The following WFS1 variants were observed in gnomAD, a reference collection of about 807,000 sequenced individuals.
WFS1 encodes the protein wolframin.
A neutral mutation model predicts 68.5 loss-of-function variants in WFS1; 90 were observed. That is an observed-to-expected ratio of 1.31 (90% CI 1.11 to 1.56). WFS1 has a LOEUF of 1.56. Among genes scored for constraint, WFS1 ranks in the 40% most tolerant of loss-of-function variants. The pLI, the probability that WFS1 is intolerant of heterozygous loss-of-function variation, is 0.00. For synonymous variants in WFS1, 860 were observed against 540.7 expected (o/e 1.59, Z -8.19); for missense variants, 1,767 against 1,232.6 (o/e 1.43, Z -6.49).
Position 6,294,096 on chromosome 4 carries a change from A to G in WFS1, c.713-945A>G, listed in dbSNP as rs116109951. Among the ~76,000 whole-genome samples the G allele has an allele frequency of 0.039, 5,888 of 152,238 alleles. 147 individuals are homozygous for G. Among genetic ancestry groups the G allele is most frequent in the South Asian group, 0.078 (378 of 4,820 alleles). Reference sequence around the variant, plus strand: ...ATTAGGAGGTCTGTCAGCGCCCACTATCACGGCTGCCATCTTGGATGCAGC... The same window carrying G: ...ATTAGGAGGTCTGTCAGCGCCCACTGTCACGGCTGCCATCTTGGATGCAGC... On this transcript the variant is annotated intron_variant, in intron 6 of 7. Transcript: ENST00000226760.
At position 6,287,204 on chromosome 4, in the gene WFS1, C is replaced by T. The variant is rs377022385; in HGVS notation, c.315+29C>T. ...AGGACTGCGGTGCCGGCAGGGACTT[C>T]GGGACGCGGCCCCCGGCACAACAGG... On this transcript the variant is annotated intron_variant, in intron 3 of 7. Coordinates refer to ENST00000226760, the MANE Select transcript of WFS1 (RefSeq NM_006005.3). This position sits in a 1 kb window ranked among gnomAD's most constrained non-coding sequence, Gnocchi z 6.4. 3.3e-4 allele frequency: 512 copies of T among 1,542,084 alleles called. 3 individuals carry two copies. In the South Asian group the frequency reaches 5.3e-3, roughly 16 times the overall value.
rs1255197725 is a variant in WFS1, at chr4:6,287,152, G to C, written c.292G>C (p.Gly98Arg). 1.3e-6 allele frequency: 2 copies of C among 1,560,482 alleles called. No homozygotes were observed. Among genetic ancestry groups the C allele is most frequent in the Admixed American group, 1.9e-5 (1 of 51,342 alleles). ...FEEVLERAKA[G>R]DPKAQTEVGK... The stretch of plus-strand genomic sequence containing the variant: ...AGAAGTCCTGGAGAGGGCCAAGGCC[G>C]GGGACCCCAAGGCACAGACTGAGGT... The change falls in exon 3 of 8, where the codon GGG becomes CGG. Residue 98 changes from glycine to arginine, a missense_variant. Transcript: ENST00000226760. This position sits in a 1 kb window ranked among gnomAD's most constrained non-coding sequence, Gnocchi z 6.4.
At chr4:6,285,229 G>T (rs1278088011) in intron 2 of WFS1, among the ~76,000 whole-genome samples, 1 of 151,756 alleles carries the variant, frequency 6.6e-6, no homozygotes, top group African/African-American at 2.4e-5. Context: ...GGGCATTCAG[G>T]GAGAGGGACA....
At chr4:6,271,883 C>A (rs76328451) in intron 1 of WFS1, among the ~76,000 whole-genome samples, 2,678 of 152,322 alleles carry the variant, frequency 0.018, 78 homozygotes, top group African/African-American at 0.061. Context: ...ACCCGCCTCG[C>A]TGCTCACTCA....
At chr4:6,276,744 G>A (rs1730006121) in intron 1 of WFS1, among the ~76,000 whole-genome samples, 2 of 152,340 alleles carry the variant, frequency 1.3e-5, no homozygotes, top group South Asian at 4.1e-4. Context: ...AACAACAGAG[G>A]TTTGTTCTCT....
At chr4:6,275,818 C>G (rs777036036) in intron 1 of WFS1, among the ~76,000 whole-genome samples, 5 of 152,144 alleles carry the variant, frequency 3.3e-5, no homozygotes, top group Non-Finnish European at 7.4e-5. Flanking sequence ...CACAGCTGCC[C>G]CCAAAAGTGA....
rs371996643 is a variant in WFS1 at position 6,301,694 on chromosome 4, C to T, written c.1899C>T (p.Val633=). ...MVKSLTRSSM[V]KLILVWLTAI... ...AGTCCCTGACGCGGAGCTCCATGGTCAAGCTCATCCTGGTGTGGCTCACGG... is the reference window on the plus strand; with the variant it reads ...AGTCCCTGACGCGGAGCTCCATGGTTAAGCTCATCCTGGTGTGGCTCACGG... The change falls in exon 8 of 8, where the codon GTC becomes GTT. Residue 633 remains valine, a synonymous_variant. Transcript: ENST00000226760. 2.5e-6 allele frequency: 4 copies of T among 1,613,986 alleles called. No homozygotes were observed. The highest frequency in any genetic ancestry group is 2.7e-5 in the African/African-American group (2 of 74,956).
intron 7 of WFS1, among the ~76,000 whole-genome samples, chr4:6,298,057 G>C (rs1258335313): frequency 6.6e-6 from 1 of 152,260 alleles, no homozygotes; most frequent in Non-Finnish European, 1.5e-5. Context: ...ATGGCTTTGA[G>C]TAAGACAGGA....
intron 5 of WFS1, 56 bp downstream of exon 5, chr4:6,291,423 A>G (rs2109116755): frequency 1.3e-6 from 2 of 1,596,756 alleles, no homozygotes; most frequent in South Asian, 2.2e-5. Flanking sequence ...TTCCCACAGG[A>G]GCCAGGACCT....
intron 2 of WFS1, among the ~76,000 whole-genome samples, chr4:6,279,574 C>T (rs183831197): frequency 2.6e-4 from 39 of 152,274 alleles, no homozygotes; most frequent in African/African-American, 9.4e-4. Flanking sequence ...TGGCCTGTCC[C>T]TAGATCAGTG....
intron 7 of WFS1, among the ~76,000 whole-genome samples, chr4:6,298,909 G>A (rs1324289170): frequency 6.6e-5 from 10 of 152,224 alleles, no homozygotes; most frequent in African/African-American, 1.7e-4. Flanking sequence ...CCCGAGGCCC[G>A]GAGCTGATGG....
chr4:6,296,887 C>T (rs961510922), intron 7 of WFS1, among the ~76,000 whole-genome samples: 6 of 152,196 alleles, frequency 3.9e-5, no homozygotes, highest in Admixed American at 2.0e-4. Context: ...TGCAGTGGCA[C>T]GGTCACAGCT....
intron 3 of WFS1, chr4:6,288,596 G>A (rs374206842): frequency 1.5e-4 from 48 of 321,172 alleles, no homozygotes; most frequent in African/African-American, 3.8e-4. Flanking sequence ...GTTAGCTGGC[G>A]TCTCTCCAGC....
rs1553876675 is a variant in WFS1 at position 6,289,032 on chromosome 4, C to G, written c.361C>G (p.Leu121Val). The G allele has an allele frequency of 6.2e-7, 1 of 1,607,434 alleles. No homozygotes were observed. The highest frequency in any genetic ancestry group is 8.5e-7 in the Non-Finnish European group (1 of 1,177,378). Residue 121 changes from leucine to valine, a missense_variant, in exon 4 of 8, where the codon CTC becomes GTC. Coordinates refer to ENST00000226760, the MANE Select transcript of WFS1 (RefSeq NM_006005.3). The stretch of plus-strand genomic sequence containing the variant: ...GTTGGCCGGCGACACGGATGAAGAA[C>G]TCAACAGCTGCACCGCTGTGGACTG... Reference protein sequence around the residue: ...LQLAGDTDEELNSCTAVDWLV... With the variant: ...LQLAGDTDEEVNSCTAVDWLV...
intron 6 of WFS1, 34 bp from the exon 7 acceptor site, chr4:6,295,007 T>A: frequency 6.2e-7 from 1 of 1,612,352 alleles, no homozygotes; most frequent in Non-Finnish European, 8.5e-7. Flanking sequence ...GGCTGCAGTG[T>A]GGGGCGCCCA....
chr4:6,288,925 C>G (rs1294849976), intron 3 of WFS1, 62 bp from the exon 4 acceptor site: 2 of 1,580,716 alleles, frequency 1.3e-6, no homozygotes, highest in Non-Finnish European at 1.7e-6. Flanking sequence ...GGTGGGCTGG[C>G]AGGGAGCATG....
intron 6 of WFS1, 139 bp downstream of exon 6, chr4:6,292,136 C>G: frequency 1.2e-6 from 1 of 858,678 alleles, no homozygotes. Flanking sequence ...GGCGACCTCT[C>G]CTTCCTGTGC....
Position 6,293,592 on chromosome 4 carries a change from T to C in WFS1, c.713-1449T>C, listed in dbSNP as rs540971166. Among the ~76,000 whole-genome samples the C allele has an allele frequency of 2.0e-5, 3 of 152,290 alleles. No individual in the cohort carries two copies. In the South Asian group the frequency reaches 6.2e-4, roughly 32 times the overall value. ...GATCTGTCAGCAGCGTGGGCAGAGATGACTGCTCTTCTCCTTAGAGCCCTC... is the reference window on the plus strand; with the variant it reads ...GATCTGTCAGCAGCGTGGGCAGAGACGACTGCTCTTCTCCTTAGAGCCCTC... On this transcript the variant is annotated intron_variant, in intron 6 of 7. Transcript: ENST00000226760.
At chr4:6,296,365 G>T (rs1028562715) in intron 7 of WFS1, among the ~76,000 whole-genome samples, 1 of 152,210 alleles carries the variant, frequency 6.6e-6, no homozygotes, top group African/African-American at 2.4e-5. Flanking sequence ...CCTTTAGGGT[G>T]GCAGGTGGAA....
Sources: gnomAD v4.1 joint callset for allele counts (sites outside exome capture counted in the v4.1 genomes callset) on GRCh38, gnomAD v4.1.1 for gene constraint, Gnocchi (gnomAD v3.1) non-coding constraint, MANE v1.5 for transcripts, NCBI Gene and HGNC (gene_info 2026-07-23, HGNC 2026-07-21) for gene names.